Variants in IFT74 observed in about 807,000 individuals in gnomAD.
IFT74 encodes the protein intraflagellar transport protein 74 homolog.
In IFT74, 92 loss-of-function variants were observed where a neutral mutation model predicts 96.7. The ratio of observed to expected loss-of-function variants is 0.95; its 90% CI spans 0.80 to 1.13. The LOEUF (loss-of-function observed/expected upper bound fraction) is 1.13. IFT74 is among the 50% of genes most tolerant of loss of function. The probability of loss-of-function intolerance (pLI) is 0.00; values close to 1 mark genes in which losing one functional copy is unlikely to be tolerated. For missense variants in IFT74, 811 were observed against 698.2 expected (o/e 1.16, Z -1.82); for synonymous variants, 223 against 213.2 (o/e 1.05, Z -0.40).
At chr9:26,988,761 G>A (rs374629644) in intron 7 of IFT74, 33 bp downstream of exon 7, 52 of 1,470,468 alleles carry the variant, frequency 3.5e-5, no homozygotes, top group Non-Finnish European at 4.1e-5. Flanking sequence ...ATTGATCTAT[G>A]TAAGTCATAT....
Position 27,047,287 on chromosome 9 carries a change from T to C in IFT74, c.1122T>C (p.Thr374=), listed in dbSNP as rs1470592915. Residue 374 remains threonine (T), a synonymous_variant, in exon 15 of 20, where the codon ACT becomes ACC. Coordinates refer to ENST00000380062, the MANE Select transcript of IFT74 (RefSeq NM_025103.4). ...REEHMDTFIE[T]FEETKNQELK... ...TCCAATTGTCAGCTTTTATTGAGAC[T>C]TTTGAGGAAACAAAGAATCAGGAAC... 1.9e-6 allele frequency: 3 copies of C among 1,611,066 alleles called. No individual in the cohort carries two copies. Among genetic ancestry groups the C allele is most frequent in the Non-Finnish European group, 2.5e-6 (3 of 1,177,600 alleles).
At chr9:27,051,580 A>G (rs1353865753) in intron 16 of IFT74, among the ~76,000 whole-genome samples, 1 of 152,120 alleles carries the variant, frequency 6.6e-6, no homozygotes, top group Non-Finnish European at 1.5e-5. Flanking sequence ...ACAACTCCAT[A>G]TTTCCCTATC....
intron 18 of IFT74, among the ~76,000 whole-genome samples, chr9:27,058,594 G>T (rs897611337): frequency 6.6e-6 from 1 of 150,816 alleles, no homozygotes; most frequent in East Asian, 2.0e-4. Context: ...CACCTTGTTG[G>T]CCAGGCTGGT....
intron 16 of IFT74, among the ~76,000 whole-genome samples, chr9:27,052,248 G>A (rs954179617): frequency 1.3e-5 from 2 of 152,056 alleles, no homozygotes; most frequent in Non-Finnish European, 2.9e-5. Flanking sequence ...GGTGGCTCAC[G>A]CCTGTAATCC....
chr9:27,053,161 C>CT (rs58085385), intron 16 of IFT74, among the ~76,000 whole-genome samples: 741 of 50,608 alleles, frequency 0.015, 38 homozygotes, highest in African/African-American at 0.035. Context: ...CGCGCCTGGC[C>CT]TTTTTTTTTT....
intron 8 of IFT74, chr9:26,996,177 A>G (rs1325923639): frequency 1.6e-6 from 1 of 623,492 alleles, no homozygotes; most frequent in Non-Finnish European, 2.5e-6. Context: ...GAAGAGCAAT[A>G]TTTTGTAAAT....
chr9:27,012,997 G>C (rs553599406), intron 10 of IFT74, among the ~76,000 whole-genome samples: 7 of 152,244 alleles, frequency 4.6e-5, no homozygotes, highest in African/African-American at 1.7e-4. Context: ...GATTATAGGC[G>C]TGAGCCACTG....
upstream of IFT74, among the ~76,000 whole-genome samples, chr9:26,951,620 T>A (rs1354092809): frequency 6.6e-6 from 1 of 152,158 alleles, no homozygotes; most frequent in Non-Finnish European, 1.5e-5. Flanking sequence ...AAATATGGGC[T>A]GGGCGCAATG....
Position 27,066,116 on chromosome 9 carries a change from T to C in IFT74, c.*3380T>C, listed in dbSNP as rs1341296382. ...TATGCACCTTTAATTAAATTAAAAT[T>C]ATATTGTTTTTAATTTTACATTTGC... is the stretch of plus-strand genomic sequence containing the variant. On this transcript the variant is annotated 3_prime_UTR_variant, in exon 20 of 20. Coordinates refer to ENST00000380062, the MANE Select transcript of IFT74 (RefSeq NM_025103.4). Among the ~76,000 whole-genome samples the C allele has an allele frequency of 1.3e-5, 2 of 152,208 alleles. No individual in the cohort carries two copies. The highest frequency in any genetic ancestry group is 2.9e-5 in the Non-Finnish European group (2 of 68,028).
At chr9:27,059,506 T>A (rs1024968618) in intron 18 of IFT74, among the ~76,000 whole-genome samples, 2 of 152,220 alleles carry the variant, frequency 1.3e-5, no homozygotes, top group Non-Finnish European at 2.9e-5. Context: ...GCCACCTGTT[T>A]GTATGAAACA....
At chr9:27,004,045 A>G (rs1227693269) in intron 8 of IFT74, among the ~76,000 whole-genome samples, 1 of 152,184 alleles carries the variant, frequency 6.6e-6, no homozygotes, top group Non-Finnish European at 1.5e-5. Context: ...AGAAACAAAT[A>G]GGATGGGGAT....
At chr9:26,993,684 G>A (rs1216831261) in intron 8 of IFT74, 1 of 151,948 alleles carries the variant, frequency 6.6e-6, no homozygotes, top group African/African-American at 2.4e-5. Context: ...TAAACAATTT[G>A]AACATACACA....
Position 27,062,737 on chromosome 9 carries a change from G to C in IFT74, c.*1G>C. On this transcript the variant is annotated 3_prime_UTR_variant, in exon 20 of 20. Coordinates refer to ENST00000380062, the MANE Select transcript of IFT74 (RefSeq NM_025103.4). ...TTTACATAGCACCAGCGGAAACTGA[G>C]TTTAAGTCCACTGAAAGTCTCTAAG... 6.7e-7 allele frequency: 1 copy of C among 1,491,212 alleles called. No homozygotes were observed. The highest frequency in any genetic ancestry group is 9.3e-7 in the Non-Finnish European group (1 of 1,076,764). 92.4% of individuals were successfully genotyped at this position (1,491,212 alleles called of 1,614,324 possible).
intron 2 of IFT74, among the ~76,000 whole-genome samples, chr9:26,976,354 G>A (rs1216895049): frequency 3.3e-5 from 5 of 152,292 alleles, no homozygotes; most frequent in South Asian, 2.1e-4. Flanking sequence ...TTACTTTTGC[G>A]CAGTAGGGTG....
At chr9:27,056,305 A>G (rs1331770813) in intron 17 of IFT74, 29 bp from the exon 18 acceptor site, 12 of 1,485,292 alleles carry the variant, frequency 8.1e-6, no homozygotes, top group Non-Finnish European at 1.1e-5. Context: ...ATTTTCTATA[A>G]CCTGTCACTT....
At chr9:26,947,356 C>G (rs1012842579) in intron 1 of IFT74, 1 of 348,634 alleles carries the variant, frequency 2.9e-6, no homozygotes, top group African/African-American at 2.1e-5. Flanking sequence ...GGGCTCTGGA[C>G]TCCCTGCTGA....
At chr9:26,963,412 T>A (rs1587240755) in intron 2 of IFT74, among the ~76,000 whole-genome samples, 1 of 150,778 alleles carries the variant, frequency 6.6e-6, no homozygotes, top group African/African-American at 2.4e-5. Flanking sequence ...AATGCCGCAA[T>A]AAACATACGT....
chr9:27,037,479 A>T (rs141827173), intron 13 of IFT74, among the ~76,000 whole-genome samples: 1 of 152,342 alleles, frequency 6.6e-6, no homozygotes, highest in Non-Finnish European at 1.5e-5. Context: ...TTAGCTGATG[A>T]CCAGGCAGTA....
chr9:26,996,756 G>T (rs915428025), intron 8 of IFT74, among the ~76,000 whole-genome samples: 4 of 151,350 alleles, frequency 2.6e-5, no homozygotes, highest in Non-Finnish European at 5.9e-5. Context: ...TAATATTGTG[G>T]TTACATGGTT....
Sources: allele counts gnomAD v4.1 joint callset (sites outside exome capture counted in the v4.1 genomes callset), GRCh38; gene constraint gnomAD v4.1.1; transcripts MANE v1.5; gene names NCBI Gene and HGNC (gene_info 2026-07-23, HGNC 2026-07-21).